The following EPHB1 variants were observed in gnomAD, a reference collection of about 807,000 sequenced individuals.
EPHB1 encodes EPH receptor B1, also known as ephrin type-B receptor 1.
Under a neutral mutation model 94.4 loss-of-function variants are expected in EPHB1, and 30 were observed. The observed-to-expected ratio is 0.32, with a 90% CI of 0.24 to 0.43. EPHB1 has a LOEUF of 0.43. EPHB1 is among the 20% of genes least tolerant of loss of function. The pLI, the probability that EPHB1 is intolerant of heterozygous loss-of-function variation, is 1.00. For missense variants in EPHB1, 1,055 were observed against 1,308.3 expected (o/e 0.81, Z 2.99); for synonymous variants, 522 against 489.1 (o/e 1.07, Z -0.89).
In EPHB1 at chr3:135,154,290, AC is replaced by A. The variant is rs746097052; in HGVS notation, c.1422+16del. Reference sequence around the variant, plus strand: ...TACTATGAGAAGGTGAGCCAGCTCTACCTGCAAGCTTGCAAGACCCAAGGCC... The same window carrying A: ...TACTATGAGAAGGTGAGCCAGCTCTACTGCAAGCTTGCAAGACCCAAGGCC... On this transcript the variant is annotated intron_variant, in intron 6 of 15. Transcript: ENST00000398015. The A allele has an allele frequency of 2.3e-5, 37 of 1,613,632 alleles. No individual in the cohort carries two copies. Among genetic ancestry groups the A allele is most frequent in the Non-Finnish European group, 3.1e-5 (37 of 1,179,744 alleles).
chr3:135,216,728 A>AGTGTC (rs1559878426), intron 12 of EPHB1, among the ~76,000 whole-genome samples: 3 of 70,874 alleles, frequency 4.2e-5, no homozygotes, highest in Non-Finnish European at 1.0e-4. Context: ...GTCTCAGGGA[A>AGTGTC]AAAAAAAAAA....
At chr3:134,828,145 TG>T (rs1464515735) in intron 1 of EPHB1, among the ~76,000 whole-genome samples, 1 of 152,198 alleles carries the variant, frequency 6.6e-6, no homozygotes, top group African/African-American at 2.4e-5. Flanking sequence ...TGAGGGAAGT[TG>T]GCCCATTGGA....
intron 1 of EPHB1, chr3:134,852,414 T>G (rs1327226929): frequency 2.6e-5 from 4 of 152,200 alleles, no homozygotes; most frequent in Non-Finnish European, 5.9e-5. Flanking sequence ...GGTCAGGCAC[T>G]TATTCCTTCC....
intron 1 of EPHB1, among the ~76,000 whole-genome samples, chr3:134,887,495 A>C (rs775586280): frequency 6.6e-6 from 1 of 152,230 alleles, no homozygotes; most frequent in Admixed American, 6.5e-5. Context: ...CATTATTATA[A>C]CCATCTACCA....
intron 3 of EPHB1, among the ~76,000 whole-genome samples, chr3:135,086,001 G>A (rs763813975): frequency 1.4e-4 from 22 of 152,264 alleles, no homozygotes; most frequent in Admixed American, 5.2e-4. Flanking sequence ...GGAGAAAGGC[G>A]TCAGTGTGTG....
At chr3:134,893,171 G>A (rs1465252625) in intron 1 of EPHB1, among the ~76,000 whole-genome samples, 1 of 152,128 alleles carries the variant, frequency 6.6e-6, no homozygotes, top group Non-Finnish European at 1.5e-5. Flanking sequence ...TGTAGACATT[G>A]TTCTGAATAC....
intron 7 of EPHB1, among the ~76,000 whole-genome samples, chr3:135,163,594 G>A (rs186539821): frequency 6.6e-6 from 1 of 152,156 alleles, no homozygotes; most frequent in African/African-American, 2.4e-5. Context: ...CTCACTTACT[G>A]TCTAGATTTA....
At chr3:134,963,958 G>C (rs776104748) in intron 3 of EPHB1, among the ~76,000 whole-genome samples, 2 of 152,162 alleles carry the variant, frequency 1.3e-5, no homozygotes, top group African/African-American at 4.8e-5. Context: ...TGAAGTCACT[G>C]TCACTGCACC....
chr3:135,151,163 T>A (rs1941181801), intron 5 of EPHB1, among the ~76,000 whole-genome samples: 1 of 152,226 alleles, frequency 6.6e-6, no homozygotes, highest in Non-Finnish European at 1.5e-5. Context: ...CTGCATTCTA[T>A]TTGGAGCACA....
intron 3 of EPHB1, among the ~76,000 whole-genome samples, chr3:134,985,584 C>T (rs577088332): frequency 1.4e-4 from 22 of 152,316 alleles, no homozygotes; most frequent in African/African-American, 4.8e-4. Flanking sequence ...TGTATCTACT[C>T]TACCACTGGC....
intron 2 of EPHB1, among the ~76,000 whole-genome samples, chr3:134,928,485 G>C (rs758550872): frequency 3.3e-5 from 5 of 152,204 alleles, no homozygotes; most frequent in Non-Finnish European, 7.3e-5. Flanking sequence ...TTCACTACCT[G>C]ACTCAATGTT....
At chr3:134,846,864 A>T (rs2036883794) in intron 1 of EPHB1, among the ~76,000 whole-genome samples, 1 of 152,108 alleles carries the variant, frequency 6.6e-6, no homozygotes, top group African/African-American at 2.4e-5. Context: ...GGGTCATGTG[A>T]TGGGAGTCAA....
At chr3:135,201,428 C>T (rs901905612) in intron 11 of EPHB1, 46 bp from the exon 12 acceptor site, 34 of 1,594,474 alleles carry the variant, frequency 2.1e-5, no homozygotes, top group Non-Finnish European at 2.5e-5. Context: ...TCTGCTTAAC[C>T]ATTGAAGCCC....
chr3:135,219,900 G>A (rs1194311424), intron 12 of EPHB1, among the ~76,000 whole-genome samples: 2 of 152,156 alleles, frequency 1.3e-5, no homozygotes, highest in African/African-American at 2.4e-5. Context: ...TTTGCCTTAT[G>A]GGCCCTACAC....
At chr3:135,225,137 CAGAGCT>C (rs1320437273) in intron 12 of EPHB1, among the ~76,000 whole-genome samples, 1 of 152,192 alleles carries the variant, frequency 6.6e-6, no homozygotes, top group Non-Finnish European at 1.5e-5. Flanking sequence ...TACTCTGCTG[CAGAGCT>C]AGGATGCCCT....
chr3:135,208,299 G>A (rs902729526), intron 12 of EPHB1, among the ~76,000 whole-genome samples: 1 of 70,830 alleles, frequency 1.4e-5, no homozygotes, highest in African/African-American at 6.1e-5. Context: ...ACGTGTGTGT[G>A]TGTGTGTGTG....
intron 1 of EPHB1, among the ~76,000 whole-genome samples, chr3:134,879,830 A>G (rs1467440195): frequency 6.6e-6 from 1 of 152,138 alleles, no homozygotes; most frequent in East Asian, 1.9e-4. Flanking sequence ...AAATTAAAAA[A>G]AAGTAGGGGT....
intron 2 of EPHB1, among the ~76,000 whole-genome samples, chr3:134,944,892 T>C (rs2039186192): frequency 6.6e-6 from 1 of 152,264 alleles, no homozygotes; most frequent in South Asian, 2.1e-4. Flanking sequence ...CATTTGTGTG[T>C]CAGAATTCTT....
At chr3:134,945,419 A>T (rs949963723) in intron 2 of EPHB1, among the ~76,000 whole-genome samples, 3 of 152,208 alleles carry the variant, frequency 2.0e-5, no homozygotes, top group African/African-American at 7.2e-5. Flanking sequence ...AGGTATAAGT[A>T]TGGAACAAAA....
Sources: gnomAD v4.1 joint callset for allele counts (sites outside exome capture counted in the v4.1 genomes callset) on GRCh38, gnomAD v4.1.1 for gene constraint, MANE v1.5 for transcripts, NCBI Gene and HGNC (gene_info 2026-07-23, HGNC 2026-07-21) for gene names.